The following ZNF701 variants were observed in gnomAD, a reference collection of about 807,000 sequenced individuals.
The protein encoded by ZNF701 is zinc finger protein 701.
In ZNF701, 6 loss-of-function variants were observed where a neutral mutation model predicts 7.1. The observed-to-expected ratio is 0.84, with a 90% CI of 0.46 to 1.66. ZNF701 has a LOEUF of 1.66. ZNF701 is among the 40% of genes most tolerant of loss of function. The pLI is 0.01. For missense variants in ZNF701, 541 were observed against 559.2 expected (o/e 0.97, Z 0.33); for synonymous variants, 166 against 188.2 (o/e 0.88, Z 0.97).
chr19:52,589,164 C>G (rs2060026966), downstream of ZNF701, among the ~76,000 whole-genome samples: 1 of 152,228 alleles, frequency 6.6e-6, no homozygotes, highest in African/African-American at 2.4e-5. Flanking sequence ...GGTGCCCTCT[C>G]TGACTGAGAA....
chr19:52,595,515 C>G, the ZNF701 span: 1 of 444,562 alleles, frequency 2.2e-6, no homozygotes, highest in African/African-American at 2.0e-5. Context: ...TGTGATCCAC[C>G]TGCCTCGTCC....
chr19:52,588,580 C>T (rs2060024610), downstream of ZNF701: 2 of 396,994 alleles, frequency 5.0e-6, no homozygotes, highest in East Asian at 1.5e-4. Context: ...CCAAGAAGGG[C>T]AAAGAAAAGG....
chr19:52,593,539 A>T, the ZNF701 span, among the ~76,000 whole-genome samples: 2 of 100,306 alleles, frequency 2.0e-5, 1 homozygote, highest in Admixed American at 2.1e-4. Context: ...CGGGGGGCTG[A>T]CCCCCCCACC....
At chr19:52,573,837 G>A (rs2059915587) in intron 1 of ZNF701, among the ~76,000 whole-genome samples, 1 of 152,166 alleles carries the variant, frequency 6.6e-6, no homozygotes, top group African/African-American at 2.4e-5. Context: ...ATTTGGTCAG[G>A]GCTGGGTCTG....
chr19:52,594,674 C>T, the ZNF701 span, among the ~76,000 whole-genome samples: 525 of 151,840 alleles, frequency 3.5e-3, 3 homozygotes, highest in Admixed American at 6.0e-3. Flanking sequence ...CCACCAAGCC[C>T]GGCTATTTCT....
rs779101161 is a variant in ZNF701 at position 52,574,101 on chromosome 19, G to A, written c.-47G>A. 1.6e-5 allele frequency: 25 copies of A among 1,612,262 alleles called. No individual in the cohort carries two copies. The highest frequency in any genetic ancestry group is 2.2e-5 in the South Asian group (2 of 91,052). On this transcript the variant is annotated 5_prime_UTR_variant, in exon 2 of 4. It adds an upstream start codon to the 5' untranslated region. Coordinates refer to ENST00000391785, the MANE Select transcript of ZNF701 (RefSeq NM_018260.3). ...GGATTGACTTCTAAAGACTTGGTAC[G>A]TGAGGAAAAAACACGGAAGAGGAAG...
intron 3 of ZNF701, 106 bp downstream of exon 3, chr19:52,576,127 C>G: frequency 1.3e-6 from 2 of 1,585,160 alleles, no homozygotes; most frequent in Non-Finnish European, 1.7e-6. Flanking sequence ...AAATGGAAGC[C>G]GTATTGAGTT....
chr19:52,596,664 C>G, the ZNF701 span: 1 of 458,124 alleles, frequency 2.2e-6, no homozygotes, highest in East Asian at 5.7e-5. Context: ...ATGCCTTGCA[C>G]AACATCAGAG....
At chr19:52,573,121 G>T (rs2059911290) in intron 1 of ZNF701, 1 of 175,744 alleles carries the variant, frequency 5.7e-6, no homozygotes, top group Non-Finnish European at 1.2e-5. Context: ...GGCTGTGAGT[G>T]CAGTCTTGTG....
intron 2 of ZNF701, 62 bp downstream of exon 2, chr19:52,574,224 G>T: frequency 6.3e-7 from 1 of 1,593,388 alleles, no homozygotes; most frequent in Non-Finnish European, 8.6e-7. Flanking sequence ...TGATCTTGGA[G>T]TTGGGAATCT....
chr19:52,595,521 C>T, the ZNF701 span: 40 of 469,356 alleles, frequency 8.5e-5, no homozygotes, highest in Non-Finnish European at 1.5e-4. Context: ...CCACCTGCCT[C>T]GTCCTCCCAA....
downstream of ZNF701, among the ~76,000 whole-genome samples, chr19:52,591,171 T>A (rs913794123): frequency 6.6e-6 from 1 of 151,980 alleles, no homozygotes; most frequent in Non-Finnish European, 1.5e-5. Flanking sequence ...TACATTATTT[T>A]CAGTATATAT....
chr19:52,591,948 T>C (rs2060038595), downstream of ZNF701: 1 of 430,182 alleles, frequency 2.3e-6, no homozygotes, highest in African/African-American at 2.1e-5. Context: ...AAAATGCAAC[T>C]ATACAGAAAA....
Position 52,582,883 on chromosome 19 carries a change from G to A in ZNF701, c.824G>A (p.Cys275Tyr), listed in dbSNP as rs2059985276. 1 of 1,613,202 alleles carries A rather than the reference G, an allele frequency of 6.2e-7. No individual in the cohort carries two copies. Among genetic ancestry groups the A allele is most frequent in the Non-Finnish European group, 8.5e-7 (1 of 1,179,338 alleles). The change falls in exon 4 of 4, where the codon TGT (cysteine) becomes TAT (tyrosine). Residue 275 changes from cysteine to tyrosine, a missense_variant. Physicochemically the swap from Cys to Tyr is radical, Grantham distance 194. Transcript: ENST00000391785. ...TGENPYTCNE[C>Y]GKTFSHNSAL... is the part of the protein sequence containing the mutation. ...GAGAATCCTTACACGTGTAATGAGT[G>A]TGGCAAGACATTCAGTCACAATTCA...
At chr19:52,593,295 T>C in the ZNF701 span, among the ~76,000 whole-genome samples, 226 of 118,394 alleles carry the variant, frequency 1.9e-3, 71 homozygotes, top group African/African-American at 6.1e-3. Context: ...AGCTGTTGGG[T>C]ACACCTCCCA....
intron 3 of ZNF701, among the ~76,000 whole-genome samples, chr19:52,579,457 T>A (rs1600080331): frequency 7.6e-6 from 1 of 130,976 alleles, no homozygotes; most frequent in Admixed American, 7.8e-5. Flanking sequence ...GAGGCGGGGG[T>A]TGCAGTGATC....
chr19:52,588,199 A>G (rs1225131994), downstream of ZNF701, among the ~76,000 whole-genome samples: 3 of 151,992 alleles, frequency 2.0e-5, no homozygotes, highest in Non-Finnish European at 4.4e-5. Context: ...TCTAAACACT[A>G]AATCTCAGCT....
At position 52,583,496 on chromosome 19, in the gene ZNF701, C is replaced by T. The variant is rs767803973; in HGVS notation, c.*39C>T. The T allele has an allele frequency of 3.7e-6, 6 of 1,607,856 alleles. No individual in the cohort carries two copies. The highest frequency in any genetic ancestry group is 5.1e-6 in the Non-Finnish European group (6 of 1,176,136). ...CAAGGTTTTTAGGCAACAGTCAAAC[C>T]TTGCATGTCATCATAGACTTTATAC... On this transcript the variant is annotated 3_prime_UTR_variant, in exon 4 of 4. Coordinates refer to ENST00000391785, the MANE Select transcript of ZNF701 (RefSeq NM_018260.3).
chr19:52,589,605 G>A (rs369190415), downstream of ZNF701, among the ~76,000 whole-genome samples: 10 of 151,614 alleles, frequency 6.6e-5, no homozygotes, highest in Admixed American at 1.3e-4. Flanking sequence ...TCAGCCTCCC[G>A]AGTAGCTGGG....
Sources: gnomAD v4.1 joint callset for allele counts (sites outside exome capture counted in the v4.1 genomes callset) on GRCh38, gnomAD v4.1.1 for gene constraint, MANE v1.5 for transcripts, NCBI Gene and HGNC (gene_info 2026-07-23, HGNC 2026-07-21) for gene names.